MTA3: variants seen among roughly 807,000 people sequenced by gnomAD.
MTA3 encodes metastasis-associated protein MTA3.
A neutral mutation model predicts 83.5 loss-of-function variants in MTA3; 34 were observed. The observed-to-expected ratio is 0.41, with a 90% confidence interval of 0.31 to 0.54. The LOEUF (loss-of-function observed/expected upper bound fraction) is 0.54, where lower values mean the gene tolerates loss of function less well. MTA3 is among the 20% of genes least tolerant of loss of function. The pLI is 0.33. For synonymous variants in MTA3, 303 were observed against 252.7 expected (o/e 1.20, Z -1.89); for missense variants, 761 against 726.4 (o/e 1.05, Z -0.55).
At position 42,646,807 on chromosome 2, in the gene MTA3, A is replaced by G. The variant is rs568756249; in HGVS notation, c.499+2563A>G. Among the ~76,000 whole-genome samples the G allele has an allele frequency of 5.0e-4, 76 of 152,172 alleles. 1 individual carries two copies. Among genetic ancestry groups the G allele is most frequent in the Non-Finnish European group, 9.4e-4 (64 of 68,032 alleles). ...GGCAACGAAGGATTTGGAATATTAT[A>G]TAAACTTAGTTGGCAAAGCAGTGGC... On this transcript the variant is annotated intron_variant, in intron 6 of 16. Coordinates refer to ENST00000405094, the MANE Select transcript of MTA3 (RefSeq NM_001330442.2).
intron 9 of MTA3, 118 bp from the exon 10 acceptor site, chr2:42,695,634 CAAAAAAAAAAAAA>C (rs70963347): frequency 5.9e-4 from 77 of 130,790 alleles, no homozygotes; most frequent in African/African-American, 5.5e-3. Context: ...CAGTCTATCT[CAAAAAAAAAAAAA>C]AAAAAAAAAA....
At position 42,618,016 on chromosome 2, in the gene MTA3, C is replaced by G. The variant is rs116745367; in HGVS notation, c.317+8432C>G. On this transcript the variant is annotated intron_variant, in intron 4 of 16. Coordinates refer to ENST00000405094, the MANE Select transcript of MTA3 (RefSeq NM_001330442.2). Reference sequence around the variant, plus strand: ...CTGATGGGCAATGGAGTGATCATAGCTCACTGTAGCCTCAAACTTCTGGGC... The same window carrying G: ...CTGATGGGCAATGGAGTGATCATAGGTCACTGTAGCCTCAAACTTCTGGGC... Among the ~76,000 whole-genome samples the G allele has an allele frequency of 6.1e-3, 930 of 151,972 alleles. 7 individuals carry two copies. The highest frequency in any genetic ancestry group is 0.02 in the African/African-American group (839 of 41,446).
upstream of MTA3, among the ~76,000 whole-genome samples, chr2:42,565,770 T>A (rs539723292): frequency 1.3e-5 from 2 of 152,028 alleles, no homozygotes; most frequent in African/African-American, 4.8e-5. Context: ...TTTGGGAGGC[T>A]GGGCAGGCAG....
intron 4 of MTA3, among the ~76,000 whole-genome samples, chr2:42,634,014 G>A (rs994479193): frequency 6.6e-6 from 1 of 152,074 alleles, no homozygotes; most frequent in Non-Finnish European, 1.5e-5. Flanking sequence ...GAGTGATATT[G>A]TATCCCAGGG....
At chr2:42,502,378 T>C (rs1301963293) in intron 2 of MTA3, among the ~76,000 whole-genome samples, 1 of 152,190 alleles carries the variant, frequency 6.6e-6, no homozygotes, top group Non-Finnish European at 1.5e-5. Context: ...CCAGTGGATG[T>C]GTTTGGTGGA....
intron 4 of MTA3, among the ~76,000 whole-genome samples, chr2:42,618,838 T>A (rs549088119): frequency 5.3e-5 from 8 of 152,254 alleles, no homozygotes; most frequent in African/African-American, 1.4e-4. Context: ...CTCAAACTCC[T>A]GTCCTAAAGT....
intron 2 of MTA3, among the ~76,000 whole-genome samples, chr2:42,538,302 A>G (rs1363300506): frequency 6.6e-6 from 1 of 151,618 alleles, no homozygotes; most frequent in Non-Finnish European, 1.5e-5. Flanking sequence ...AAAGATGAGC[A>G]TATTGGCCAA....
At chr2:42,604,933 A>G (rs993650837) in intron 3 of MTA3, among the ~76,000 whole-genome samples, 4 of 149,656 alleles carry the variant, frequency 2.7e-5, no homozygotes, top group Non-Finnish European at 4.5e-5. Flanking sequence ...CCCAAGGCAG[A>G]GGAATTTTTC....
intron 16 of MTA3, among the ~76,000 whole-genome samples, chr2:42,728,609 G>C (rs1296790220): frequency 6.6e-6 from 1 of 152,082 alleles, no homozygotes; most frequent in Non-Finnish European, 1.5e-5. Flanking sequence ...CCATATCTTT[G>C]CCAGCATTCC....
Position 42,647,331 on chromosome 2 carries a change from C to A in MTA3, c.499+3087C>A, listed in dbSNP as rs577729828. Among the ~76,000 whole-genome samples the A allele has an allele frequency of 2.6e-5, 4 of 151,804 alleles. No individual in the cohort carries two copies. The East Asian group carries it at 5.9e-4, about 23-fold the overall frequency. ...TTCCGCCTCCTGGGTTCAAACGATT[C>A]CTGTGCCTCGACCTCTCGAGTAGCT... On this transcript the variant is annotated intron_variant, in intron 6 of 16. Transcript: ENST00000405094.
At chr2:42,666,286 A>G (rs1035027810) in intron 8 of MTA3, among the ~76,000 whole-genome samples, 58 of 152,196 alleles carry the variant, frequency 3.8e-4, no homozygotes, top group African/African-American at 1.1e-3. Flanking sequence ...GAAAAAAACA[A>G]AACAAAACAA....
At chr2:42,698,779 C>A (rs565639865) in intron 11 of MTA3, among the ~76,000 whole-genome samples, 1 of 152,088 alleles carries the variant, frequency 6.6e-6, no homozygotes, top group Non-Finnish European at 1.5e-5. Context: ...TCTGATCTTT[C>A]ATATTGATCT....
At position 42,755,447 on chromosome 2, in the gene MTA3, G is replaced by A; in HGVS notation, c.*2048G>A. On this transcript the variant is annotated 3_prime_UTR_variant, in exon 17 of 17. Transcript: ENST00000405094. ...GGAGGCCCCTCCTATCTACCCAGTT[G>A]ACATTTGGCTTTGGGAAAAGCGCAG... 1.0e-6 allele frequency: 1 copy of A among 985,478 alleles called. No individual in the cohort carries two copies. The highest frequency in any genetic ancestry group is 1.2e-6 in the Non-Finnish European group (1 of 829,958). The allele number at this position is 985,478 out of a possible 1,614,324, so 61.0% of individuals were successfully genotyped here. A position where few individuals can be genotyped will look rare whatever the true frequency, so the allele number is the denominator to read the frequency against.
chr2:42,722,765 C>T, intron 15 of MTA3, 124 bp from the exon 16 acceptor site: 1 of 1,143,700 alleles, frequency 8.7e-7, no homozygotes, highest in Non-Finnish European at 1.2e-6. Context: ...AAGTCCTTGG[C>T]TGGCTCAGGA....
chr2:42,551,953 C>T lies in MTA3; in HGVS notation c.-140-18484C>T, dbSNP rs544409446. Among the ~76,000 whole-genome samples, 3 of 152,100 alleles carry T rather than the reference C, an allele frequency of 2.0e-5. No individual in the cohort carries two copies. In the South Asian group the frequency reaches 6.2e-4, roughly 32 times the overall value. On this transcript the variant is annotated intron_variant, in intron 2 of 17. Coordinates refer to the MTA3 transcript ENST00000405592. ...ATGTTGGCCAAGATGGTCTCGATCT[C>T]TTGACCTCTTGATCCACCCACCTCG...
At chr2:42,495,962 C>T (rs1674110640) in intron 2 of MTA3, among the ~76,000 whole-genome samples, 1 of 152,058 alleles carries the variant, frequency 6.6e-6, no homozygotes, top group Non-Finnish European at 1.5e-5. Flanking sequence ...AGATGTGAGC[C>T]AGAGATGAGC....
At chr2:42,621,561 CTCTA>C (rs1284734319) in intron 4 of MTA3, among the ~76,000 whole-genome samples, 1 of 152,248 alleles carries the variant, frequency 6.6e-6, no homozygotes, top group African/African-American at 2.4e-5. Context: ...AATCTGACTT[CTCTA>C]TCTTTTCCCC....
intron 4 of MTA3, among the ~76,000 whole-genome samples, chr2:42,615,429 C>T (rs568949261): frequency 2.6e-5 from 4 of 151,866 alleles, no homozygotes; most frequent in African/African-American, 9.7e-5. Context: ...GATCTCGATT[C>T]ACTGCAACCT....
At chr2:42,554,376 T>A (rs1390168254) in intron 2 of MTA3, among the ~76,000 whole-genome samples, 9 of 152,238 alleles carry the variant, frequency 5.9e-5, no homozygotes, top group Admixed American at 4.6e-4. Context: ...AGAATCACAA[T>A]AAGTGTTGAA....
Sources: gnomAD v4.1 joint callset for allele counts (sites outside exome capture counted in the v4.1 genomes callset) on GRCh38, gnomAD v4.1.1 for gene constraint, MANE v1.5 for transcripts, NCBI Gene and HGNC (gene_info 2026-07-23, HGNC 2026-07-21) for gene names.